NDUFAF7: variants seen among roughly 807,000 people sequenced by gnomAD.
The protein encoded by NDUFAF7 is NADH:ubiquinone oxidoreductase complex assembly factor 7.
In NDUFAF7, 48 loss-of-function variants were observed where a neutral mutation model predicts 47.2. The observed-to-expected ratio is 1.02, with a 90% CI of 0.81 to 1.29. The LOEUF (loss-of-function observed/expected upper bound fraction) is 1.29, where lower values mean the gene tolerates loss of function less well. NDUFAF7 is among the 50% of genes most tolerant of loss of function. The pLI, the probability that NDUFAF7 is intolerant of heterozygous loss-of-function variation, is 0.00. For missense variants in NDUFAF7, 635 were observed against 537.6 expected (o/e 1.18, Z -1.79); for synonymous variants, 217 against 190.0 (o/e 1.14, Z -1.17).
chr2:37,269,229 A>G, the NDUFAF7 span: 1 of 211,250 alleles, frequency 4.7e-6, no homozygotes, highest in Non-Finnish European at 9.8e-6. Context: ...TTAATAGAAC[A>G]ATCATGCCAA....
chr2:37,251,476 TA>T (rs1558513424), downstream of NDUFAF7: 1 of 152,594 alleles, frequency 6.6e-6, no homozygotes, highest in South Asian at 2.1e-4. Context: ...GAGGGTAAAC[TA>T]AAACATAAAA....
intron 4 of NDUFAF7, among the ~76,000 whole-genome samples, chr2:37,239,101 C>T (rs1666092899): frequency 6.6e-6 from 1 of 150,386 alleles, no homozygotes; most frequent in Admixed American, 6.7e-5. Context: ...TAATTTAGTA[C>T]ATCCTTTTTT....
chr2:37,267,016 AAT>A, the NDUFAF7 span, among the ~76,000 whole-genome samples: 1 of 152,176 alleles, frequency 6.6e-6, no homozygotes, highest in Non-Finnish European at 1.5e-5. Context: ...AATACGCCCC[AAT>A]CGACTAAGCC....
At position 37,248,440 on chromosome 2, in the gene NDUFAF7, A is replaced by C; in HGVS notation, c.*90A>C. On this transcript the variant is annotated 3_prime_UTR_variant, in exon 10 of 10. Transcript: ENST00000002125. Reference sequence around the variant, plus strand: ...CATATACTGCAGGTAACAAAAGTCAAAGTATTTTATCTTTTCACAGCAAGA... The same window carrying C: ...CATATACTGCAGGTAACAAAAGTCACAGTATTTTATCTTTTCACAGCAAGA... 8.0e-7 allele frequency: 1 copy of C among 1,244,610 alleles called. No individual in the cohort carries two copies. The highest frequency in any genetic ancestry group is 1.2e-6 in the Non-Finnish European group (1 of 848,038). 77.1% of individuals were successfully genotyped at this position (1,244,610 alleles called of 1,614,324 possible).
At chr2:37,267,589 G>A in the NDUFAF7 span, 73 of 1,298,406 alleles carry the variant, frequency 5.6e-5, no homozygotes, top group Non-Finnish European at 8.1e-5. Context: ...AGCTTTATTA[G>A]GGAGTTGTCC....
chr2:37,231,771 G>A lies in NDUFAF7; in HGVS notation c.55+11G>A, dbSNP rs1489951063. On this transcript the variant is annotated intron_variant, in intron 1 of 9. Coordinates refer to ENST00000002125, the MANE Select transcript of NDUFAF7 (RefSeq NM_144736.5). ...CCGTGGCGCGCGCAGGTAAGCGTCA[G>A]TCCCCTCGAAGCCCGGTTGCCGTGG... 1.2e-6 allele frequency: 2 copies of A among 1,614,200 alleles called. No homozygotes were observed. Among genetic ancestry groups the A allele is most frequent in the Non-Finnish European group, 1.7e-6 (2 of 1,180,036 alleles).
rs768450120 is a variant in NDUFAF7 at position 37,241,736 on chromosome 2, C to T, written c.567C>T (p.Val189=). Residue 189 remains valine, a synonymous_variant, in exon 5 of 10, where the codon GTC becomes GTT. Coordinates refer to ENST00000002125, the MANE Select transcript of NDUFAF7 (RefSeq NM_144736.5). ...GATCCCCAGTGTATATGAAAGGTGT[C>T]ACTAAGTCTGGGATTCCAATTTCCT... The part of the protein sequence containing the change: ...NAGSPVYMKG[V]TKSGIPISWY... 65 of 1,613,776 alleles carry T rather than the reference C, an allele frequency of 4.0e-5. No homozygotes were observed. The highest frequency in any genetic ancestry group is 5.0e-5 in the Non-Finnish European group (59 of 1,179,952).
Position 37,246,159 on chromosome 2 carries a change from T to C in NDUFAF7, c.900T>C (p.Asp300=), listed in dbSNP as rs1272692335. 6.2e-7 allele frequency: 1 copy of C among 1,613,932 alleles called. No homozygotes were observed. Among genetic ancestry groups the C allele is most frequent in the Admixed American group, 1.7e-5 (1 of 60,002 alleles). ...CTGGAGGTGCTGCACTGGTTGCTGA[T>C]TATGGTCATGATGGAACAAAGACAG... ...ALTGGAALVA[D]YGHDGTKTDT... Residue 300 remains aspartate (D), a synonymous_variant, in exon 8 of 10, where the codon GAT becomes GAC. Transcript: ENST00000002125.
At chr2:37,240,091 T>G (rs924984123) in intron 4 of NDUFAF7, among the ~76,000 whole-genome samples, 1 of 152,242 alleles carries the variant, frequency 6.6e-6, no homozygotes, top group African/African-American at 2.4e-5. Flanking sequence ...TTGGAACTCA[T>G]TAGTGTTTTT....
chr2:37,267,487 C>G, the NDUFAF7 span: 2 of 1,611,478 alleles, frequency 1.2e-6, no homozygotes, highest in South Asian at 2.2e-5. Context: ...GGAATCTCAT[C>G]TTATCAATTA....
chr2:37,256,627 AATT>A (rs1443575207), downstream of NDUFAF7: 68 of 1,247,118 alleles, frequency 5.5e-5, no homozygotes, highest in Middle Eastern at 2.7e-4. Flanking sequence ...ACATAGCCAA[AATT>A]TTTTTTTTTT....
the NDUFAF7 span, among the ~76,000 whole-genome samples, chr2:37,266,301 C>A: frequency 6.6e-6 from 1 of 152,154 alleles, no homozygotes; most frequent in Non-Finnish European, 1.5e-5. Flanking sequence ...TCACCCAAAG[C>A]AAATGGGGCT....
At chr2:37,232,431 G>A (rs1290336875) in intron 2 of NDUFAF7, among the ~76,000 whole-genome samples, 165 bp downstream of exon 2, 2 of 152,198 alleles carry the variant, frequency 1.3e-5, no homozygotes, top group African/African-American at 4.8e-5. Flanking sequence ...GTTGGTCAGG[G>A]CTGGCTCACG....
In NDUFAF7 at chr2:37,232,084, GTTTAA is replaced by G. The variant is rs754629398; in HGVS notation, c.56-18_56-14del. The G allele has an allele frequency of 9.9e-6, 16 of 1,614,098 alleles. No homozygotes were observed. Among genetic ancestry groups the G allele is most frequent in the African/African-American group, 1.3e-5 (1 of 74,950 alleles). On this transcript the variant is annotated splice_polypyrimidine_tract_variant and intron_variant, in intron 1 of 9. Transcript: ENST00000002125. ...AATGGTCAGATTTATCATGGGGTCT[GTTTAA>G]TTTGTGTTTTTCGCAGCCATTCCTT...
intron 2 of NDUFAF7, among the ~76,000 whole-genome samples, chr2:37,234,400 T>A (rs1665529786): frequency 1.3e-5 from 2 of 148,872 alleles, no homozygotes; most frequent in South Asian, 4.1e-4. Context: ...CCTAATTATA[T>A]TTTTTTAATA....
chr2:37,262,285 G>A, the NDUFAF7 span, among the ~76,000 whole-genome samples: 5 of 152,006 alleles, frequency 3.3e-5, no homozygotes, highest in East Asian at 9.7e-4. Context: ...TCTCTCTTTG[G>A]GACTACTGCA....
In NDUFAF7 at chr2:37,246,115, T is replaced by C. The variant is rs1348992473; in HGVS notation, c.856T>C (p.Ser286Pro). 5 of 1,613,858 alleles carry C rather than the reference T, an allele frequency of 3.1e-6. No individual in the cohort carries two copies. The highest frequency in any genetic ancestry group is 4.2e-6 in the Non-Finnish European group (5 of 1,179,904). The change falls in exon 8 of 10, where the codon TCT becomes CCT. Residue 286 changes from serine (S) to proline (P), a missense_variant. Physicochemically the swap from Ser to Pro is moderately conservative, Grantham distance 74. Transcript: ENST00000002125. The stretch of plus-strand genomic sequence containing the variant: ...TGCTGGTGTTATCATCGAGGAACTT[T>C]CTCAACGCATTGCATTAACTGGAGG... ...PDAGVIIEELSQRIALTGGAA... is the reference protein window; with the variant it reads ...PDAGVIIEELPQRIALTGGAA...
the NDUFAF7 span, among the ~76,000 whole-genome samples, chr2:37,260,027 T>C: frequency 6.6e-6 from 1 of 151,992 alleles, no homozygotes; most frequent in Non-Finnish European, 1.5e-5. Context: ...TAGCCAGGCG[T>C]GGTGGCACAC....
intron 4 of NDUFAF7, 96 bp from the exon 5 acceptor site, chr2:37,241,482 C>T (rs1472592685): frequency 2.0e-6 from 2 of 1,023,594 alleles, no homozygotes. Context: ...GAAATATTAC[C>T]TCTATTGTGA....
Sources: allele counts gnomAD v4.1 joint callset (sites outside exome capture counted in the v4.1 genomes callset), GRCh38; gene constraint gnomAD v4.1.1; transcripts MANE v1.5; gene names NCBI Gene and HGNC (gene_info 2026-07-23, HGNC 2026-07-21).